The following E2F5 variants were observed in gnomAD, a reference collection of about 807,000 sequenced individuals.
E2F5 encodes the protein transcription factor E2F5.
A neutral mutation model predicts 39.1 loss-of-function variants in E2F5; 23 were observed. The ratio of observed to expected loss-of-function variants is 0.59; its 90% CI spans 0.42 to 0.83. The LOEUF (loss-of-function observed/expected upper bound fraction) is 0.83. Among genes scored for constraint, E2F5 ranks in the 40% least tolerant of loss-of-function variants. E2F5 has a pLI of 0.00. For synonymous variants in E2F5, 145 were observed against 157.8 expected, an observed-to-expected ratio of 0.92 and a Z score of 0.61; for missense variants, 365 against 406.7, an observed-to-expected ratio of 0.90 and a Z score of 0.88.
chr8:85,181,030 A>G (rs1432367861), intron 1 of E2F5, among the ~76,000 whole-genome samples: 1 of 151,756 alleles, frequency 6.6e-6, no homozygotes, highest in Non-Finnish European at 1.5e-5. Context: ...GGCGTACACC[A>G]TTATGCCTGG....
chr8:85,184,140 C>A (rs1308876669), intron 1 of E2F5, among the ~76,000 whole-genome samples: 2 of 152,156 alleles, frequency 1.3e-5, no homozygotes, highest in Non-Finnish European at 2.9e-5. Context: ...ATACTGCAGA[C>A]CAAATCCAGC....
intron 1 of E2F5, 93 bp from the exon 2 acceptor site, chr8:85,202,054 T>A: frequency 2.0e-6 from 2 of 1,021,902 alleles, no homozygotes; most frequent in Non-Finnish European, 2.9e-6. Context: ...AAATTTGAGA[T>A]TGGACTTGTT....
intron 2 of E2F5, among the ~76,000 whole-genome samples, chr8:85,202,556 T>C (rs1812718469): frequency 6.6e-6 from 1 of 152,240 alleles, no homozygotes. Flanking sequence ...TTACCTGTCC[T>C]TGAGAGCAAG....
chr8:85,200,246 CAAA>C (rs201729770), intron 1 of E2F5: 10 of 719,002 alleles, frequency 1.4e-5, no homozygotes, highest in Non-Finnish European at 1.7e-5. Flanking sequence ...GACTCTGTCT[CAAA>C]AAAAAAAAAG....
intron 7 of E2F5, 173 bp downstream of exon 7, chr8:85,212,377 A>G (rs1812952639): frequency 1.8e-6 from 1 of 549,990 alleles, no homozygotes; most frequent in South Asian, 2.3e-5. Flanking sequence ...TTCAGAATTT[A>G]TTTTTCTTTG....
chr8:85,208,854 C>CTAT (rs1350686194), intron 5 of E2F5, among the ~76,000 whole-genome samples: 1 of 152,068 alleles, frequency 6.6e-6, no homozygotes, highest in Admixed American at 6.5e-5. Flanking sequence ...GGGCCCTGAC[C>CTAT]TATTATATAG....
Position 85,207,451 on chromosome 8 carries a change from CCTT to C in E2F5, c.580_582del (p.Ser194del). On this transcript the variant is annotated inframe_deletion, in exon 5 of 8. Transcript: ENST00000416274. ...TGATACACTTTTGGCCATTCAGGCA[CCTT>C]CTGGTACACAACTGGAGGTACCCAT... 1.9e-6 allele frequency: 3 copies of C among 1,561,674 alleles called. No homozygotes were observed. The highest frequency in any genetic ancestry group is 2.6e-6 in the Non-Finnish European group (3 of 1,151,682).
intron 1 of E2F5, among the ~76,000 whole-genome samples, chr8:85,189,908 G>C (rs1812423536): frequency 6.6e-6 from 1 of 152,152 alleles, no homozygotes; most frequent in Non-Finnish European, 1.5e-5. Flanking sequence ...ACACTGTGAG[G>C]GGTGTTTGGA....
At chr8:85,180,543 T>TATATATATAC (rs1554682033) in intron 1 of E2F5, among the ~76,000 whole-genome samples, 55 of 116,860 alleles carry the variant, frequency 4.7e-4, no homozygotes, top group Non-Finnish European at 8.0e-4. Flanking sequence ...TATATATATA[T>TATATATATAC]ATATATATAT....
chr8:85,203,286 T>C, intron 3 of E2F5, 31 bp downstream of exon 3: 1 of 1,506,990 alleles, frequency 6.6e-7, no homozygotes, highest in Non-Finnish European at 8.9e-7. Flanking sequence ...TGCATATACA[T>C]ATAGCTTTGG....
intron 1 of E2F5, among the ~76,000 whole-genome samples, chr8:85,186,122 A>G (rs984736448): frequency 3.3e-5 from 5 of 152,204 alleles, no homozygotes; most frequent in African/African-American, 1.2e-4. Context: ...ATATCCATCA[A>G]TGGTAGACTG....
At chr8:85,213,542 TAAAA>T (rs536955367) in intron 7 of E2F5, 24 of 121,448 alleles carry the variant, frequency 2.0e-4, no homozygotes, top group South Asian at 6.5e-4. Flanking sequence ...GACTCCATCT[TAAAA>T]AAAAAAAAAA....
rs1812731333 is a variant in E2F5 at position 85,203,255 on chromosome 8, G to T, written c.506G>T (p.Arg169Ile). Residue 169 changes from arginine (R) to isoleucine (I), a missense_variant and splice_region_variant, in exon 3 of 8, where the codon AGA (arginine) becomes ATA (isoleucine). Physicochemically the swap from Arg to Ile is moderately conservative, Grantham distance 97. Coordinates refer to ENST00000416274, the MANE Select transcript of E2F5 (RefSeq NM_001951.4). ...KNVMDDSINN[R>I]FSYVTHEDIC... ...GTGATGGACGATTCCATTAATAATA[G>T]ATATCCTTTTAAATAAGTTATGCAT... is the stretch of plus-strand genomic sequence containing the variant. 1 of 1,586,910 alleles carries T rather than the reference G, an allele frequency of 6.3e-7. No individual in the cohort carries two copies. The highest frequency in any genetic ancestry group is 8.6e-7 in the Non-Finnish European group (1 of 1,167,510).
intron 3 of E2F5, 111 bp downstream of exon 3, chr8:85,203,366 G>A: frequency 2.4e-6 from 2 of 826,718 alleles, no homozygotes; most frequent in Non-Finnish European, 3.3e-6. Context: ...AGTTTTATAA[G>A]TAAATATGAC....
chr8:85,203,183 G>C lies in E2F5; in HGVS notation c.434G>C (p.Arg145Thr). ...AEIEDLELKE[R>T]ELDQQKLWLQ... ...ATTGAAGATCTAGAACTGAAGGAAAGAGAACTTGATCAGCAGAAGTTGTGG... is the reference window on the plus strand; with the variant it reads ...ATTGAAGATCTAGAACTGAAGGAAACAGAACTTGATCAGCAGAAGTTGTGG... Residue 145 changes from arginine (R) to threonine (T), a missense_variant, in exon 3 of 8, where the codon AGA becomes ACA. Physicochemically the swap from Arg to Thr is moderately conservative, Grantham distance 71. Coordinates refer to ENST00000416274, the MANE Select transcript of E2F5 (RefSeq NM_001951.4). 1.9e-6 allele frequency: 3 copies of C among 1,607,718 alleles called. No individual in the cohort carries two copies. The highest frequency in any genetic ancestry group is 1.7e-6 in the Non-Finnish European group (2 of 1,176,788).
intron 1 of E2F5, among the ~76,000 whole-genome samples, chr8:85,187,463 G>A (rs1010120818): frequency 1.3e-5 from 2 of 151,892 alleles, no homozygotes; most frequent in Admixed American, 1.3e-4. Flanking sequence ...ATATATTTAG[G>A]TGCTGCTATA....
intron 1 of E2F5, among the ~76,000 whole-genome samples, chr8:85,200,571 G>C (rs923428678): frequency 6.6e-6 from 1 of 152,140 alleles, no homozygotes; most frequent in Admixed American, 6.5e-5. Context: ...TGTTGCTATG[G>C]CTGTGAATGC....
intron 1 of E2F5, among the ~76,000 whole-genome samples, chr8:85,182,090 A>G (rs1196199059): frequency 3.3e-5 from 5 of 152,228 alleles, no homozygotes; most frequent in African/African-American, 9.6e-5. Context: ...TTATCTCTGC[A>G]GCTTCACCTA....
At chr8:85,180,279 C>T (rs1322887976) in intron 1 of E2F5, among the ~76,000 whole-genome samples, 4 of 151,758 alleles carry the variant, frequency 2.6e-5, no homozygotes, top group Non-Finnish European at 5.9e-5. Context: ...CCTCAGCCTC[C>T]CAGAGTGCTG....
Sources: allele counts gnomAD v4.1 joint callset (sites outside exome capture counted in the v4.1 genomes callset), GRCh38; gene constraint gnomAD v4.1.1; transcripts MANE v1.5; gene names NCBI Gene and HGNC (gene_info 2026-07-23, HGNC 2026-07-21).